The following ANO4 variants were observed in gnomAD, a reference collection of about 807,000 sequenced individuals.
The protein encoded by ANO4 is anoctamin 4, also known as anoctamin-4.
A neutral mutation model predicts 141.9 loss-of-function variants in ANO4; 69 were observed. That is an observed-to-expected ratio of 0.49 (90% CI 0.40 to 0.59). ANO4 has a LOEUF of 0.59. Among genes scored for constraint, ANO4 ranks in the 20% least tolerant of loss-of-function variants. ANO4 has a pLI of 0.00. For missense variants in ANO4, 894 were observed against 1,162.2 expected, an observed-to-expected ratio of 0.77 and a Z score of 3.36; for synonymous variants, 350 against 394.3, an observed-to-expected ratio of 0.89 and a Z score of 1.33.
chr12:100,740,011 G>T lies in ANO4; in HGVS notation c.264G>T (p.Gln88His), dbSNP rs536328824. The T allele has an allele frequency of 2.4e-5, 17 of 702,526 alleles. No homozygotes were observed. The African/African-American group carries it at 2.6e-4, about 11-fold the overall frequency. 43.5% of individuals were successfully genotyped at this position (702,526 alleles called of 1,614,324 possible). Reference sequence around the variant, plus strand: ...GATCCTTCACCCGCAAGACTGACCAGGCCACACCTTTGTCCTGTCCAGCCT... The same window carrying T: ...GATCCTTCACCCGCAAGACTGACCATGCCACACCTTTGTCCTGTCCAGCCT... The change falls in exon 3 of 30, where the codon CAG (glutamine) becomes CAT (histidine). Residue 88 changes from glutamine to histidine, a missense_variant. By Grantham distance (24) the Gln-to-His change is conservative. Coordinates refer to the ANO4 transcript ENST00000644049.
intron 1 of ANO4, among the ~76,000 whole-genome samples, chr12:100,718,428 A>G (rs1006883815): frequency 2.0e-5 from 3 of 152,160 alleles, no homozygotes; most frequent in African/African-American, 4.8e-5. Flanking sequence ...TTGGCATTTT[A>G]AAGGGGAAAG....
intron 3 of ANO4, among the ~76,000 whole-genome samples, chr12:100,780,628 G>T (rs560370663): frequency 6.6e-6 from 1 of 152,154 alleles, no homozygotes; most frequent in African/African-American, 2.4e-5. Context: ...GCAACTAGAG[G>T]TTGCCTTTGT....
intron 7 of ANO4, chr12:100,987,071 C>A: frequency 6.3e-6 from 1 of 158,674 alleles, no homozygotes; most frequent in Non-Finnish European, 1.4e-5. Context: ...ATGGAGCTCT[C>A]TGCACAACTC....
intron 18 of ANO4, among the ~76,000 whole-genome samples, 159 bp from the exon 19 acceptor site, chr12:101,096,377 G>A (rs138088096): frequency 6.3e-4 from 96 of 152,148 alleles, no homozygotes; most frequent in African/African-American, 2.2e-3. Flanking sequence ...TCCTATGAGT[G>A]GTCTGTTCCA....
intron 14 of ANO4, among the ~76,000 whole-genome samples, chr12:101,070,397 T>C (rs144657824): frequency 6.6e-6 from 1 of 152,236 alleles, no homozygotes; most frequent in African/African-American, 2.4e-5. Context: ...TTGACAAAGT[T>C]GCCAAGAATA....
At chr12:100,957,975 C>T (rs111706245) in intron 5 of ANO4, among the ~76,000 whole-genome samples, 7,303 of 152,244 alleles carry the variant, frequency 0.048, 583 homozygotes, top group African/African-American at 0.16. Flanking sequence ...CCCAAAGTGA[C>T]AGAATTACAG....
intron 9 of ANO4, among the ~76,000 whole-genome samples, chr12:101,025,024 AT>A (rs999679380): frequency 6.6e-6 from 1 of 152,224 alleles, no homozygotes. Flanking sequence ...CACTTGAGAA[AT>A]TATGATAATC....
At chr12:101,074,542 T>G (rs892097829) in intron 14 of ANO4, among the ~76,000 whole-genome samples, 3 of 152,202 alleles carry the variant, frequency 2.0e-5, no homozygotes, top group African/African-American at 7.2e-5. Flanking sequence ...GCAACCATAT[T>G]CTCAGCAACA....
chr12:100,794,454 T>C (rs1014704663), upstream of ANO4: 1 of 152,166 alleles, frequency 6.6e-6, no homozygotes, highest in Non-Finnish European at 1.5e-5. Context: ...AGAGGATAAG[T>C]TGCCAATCCT....
intron 12 of ANO4, among the ~76,000 whole-genome samples, chr12:101,043,195 T>C (rs182083276): frequency 7.6e-4 from 116 of 152,362 alleles, no homozygotes; most frequent in Non-Finnish European, 1.2e-3. Flanking sequence ...TAAGTATCTT[T>C]ATATATCTTC....
At chr12:101,091,572 T>C (rs965161473) in intron 17 of ANO4, among the ~76,000 whole-genome samples, 2 of 152,356 alleles carry the variant, frequency 1.3e-5, no homozygotes, top group Non-Finnish European at 1.5e-5. Context: ...CAGTGGCTTC[T>C]GAAATTACTC....
At chr12:101,055,969 G>C (rs1157781874) in intron 14 of ANO4, among the ~76,000 whole-genome samples, 3 of 151,928 alleles carry the variant, frequency 2.0e-5, no homozygotes, top group African/African-American at 7.3e-5. Flanking sequence ...GAAATCAATG[G>C]GCCATATATG....
At chr12:100,826,111 G>A (rs777676303) in intron 1 of ANO4, among the ~76,000 whole-genome samples, 1 of 152,002 alleles carries the variant, frequency 6.6e-6, no homozygotes, top group Non-Finnish European at 1.5e-5. Context: ...TGTGGTTGAT[G>A]TGGTATTTTA....
intron 1 of ANO4, among the ~76,000 whole-genome samples, chr12:100,870,893 TA>T (rs1400632199): frequency 1.3e-5 from 2 of 152,236 alleles, no homozygotes; most frequent in African/African-American, 2.4e-5. Flanking sequence ...TTCACAGTGA[TA>T]TTTTTTCAGG....
At chr12:101,044,951 AG>A (rs1409925360) in intron 13 of ANO4, among the ~76,000 whole-genome samples, 1 of 152,050 alleles carries the variant, frequency 6.6e-6, no homozygotes, top group East Asian at 1.9e-4. Context: ...TGAATGACTC[AG>A]GTTTTAAAAT....
At chr12:100,728,500 G>A (rs1319158918) in intron 1 of ANO4, among the ~76,000 whole-genome samples, 2 of 152,130 alleles carry the variant, frequency 1.3e-5, no homozygotes, top group South Asian at 2.1e-4. Flanking sequence ...TGCTTTTCTA[G>A]TGTAAGACAA....
chr12:100,904,717 A>C (rs199620837), intron 2 of ANO4, among the ~76,000 whole-genome samples: 1 of 152,160 alleles, frequency 6.6e-6, no homozygotes, highest in East Asian at 1.9e-4. Context: ...GCCCTATGTG[A>C]AAGGAAGCTC....
intron 1 of ANO4, among the ~76,000 whole-genome samples, chr12:100,718,718 C>T (rs1199706015): frequency 6.6e-6 from 1 of 152,094 alleles, no homozygotes; most frequent in Non-Finnish European, 1.5e-5. Flanking sequence ...TTTTTCTTTC[C>T]TCCAACCCCC....
chr12:100,751,026 C>T (rs912007732), intron 3 of ANO4, among the ~76,000 whole-genome samples: 2 of 152,160 alleles, frequency 1.3e-5, no homozygotes, highest in Admixed American at 6.5e-5. Context: ...TCAGCCCTCA[C>T]AGAGGGATAC....
Sources: gnomAD v4.1 joint callset for allele counts (sites outside exome capture counted in the v4.1 genomes callset) on GRCh38, gnomAD v4.1.1 for gene constraint, MANE v1.5 for transcripts, NCBI Gene and HGNC (gene_info 2026-07-23, HGNC 2026-07-21) for gene names.